The following SMCHD1 variants were observed in gnomAD, a reference collection of about 807,000 sequenced individuals.
SMCHD1 encodes structural maintenance of chromosomes flexible hinge domain-containing protein 1.
SMCHD1 carries 78 observed loss-of-function variants against 254.7 expected under a neutral mutation model. That is an observed-to-expected ratio of 0.31 (90% CI 0.26 to 0.37). The LOEUF is 0.37. SMCHD1 is among the 10% of genes least tolerant of loss of function. The pLI, the probability that SMCHD1 is intolerant of heterozygous loss-of-function variation, is 1.00. For missense variants in SMCHD1, 1,840 were observed against 2,408.1 expected, an observed-to-expected ratio of 0.76 and a Z score of 4.94; for synonymous variants, 766 against 794.9, an observed-to-expected ratio of 0.96 and a Z score of 0.61.
At chr18:2,751,236 T>G in intron 32 of SMCHD1, 42 bp from the exon 33 acceptor site, 1 of 1,111,536 alleles carries the variant, frequency 9.0e-7, no homozygotes, top group Non-Finnish European at 1.3e-6. Flanking sequence ...TATCCATTAA[T>G]TGAACTAGAA....
At chr18:2,703,280 GTACTTGA>G (rs2074444295) in intron 12 of SMCHD1, among the ~76,000 whole-genome samples, 1 of 152,018 alleles carries the variant, frequency 6.6e-6, no homozygotes, top group African/African-American at 2.4e-5. Flanking sequence ...CGTTTATAAA[GTACTTGA>G]TACACAATGA....
chr18:2,769,926 T>G, intron 38 of SMCHD1, 63 bp from the exon 39 acceptor site: 1 of 1,533,282 alleles, frequency 6.5e-7, no homozygotes, highest in South Asian at 1.2e-5. Flanking sequence ...CTAACCACTT[T>G]ATGACATATT....
At chr18:2,679,480 C>CCAAAAAAA (rs752743934) in intron 5 of SMCHD1, among the ~76,000 whole-genome samples, 1 of 58,676 alleles carries the variant, frequency 1.7e-5, no homozygotes, top group Non-Finnish European at 3.9e-5. Context: ...ACTCCATCTC[C>CCAAAAAAA]AAAAAAAAAA....
chr18:2,734,651 C>CTTTT (rs33995854), intron 25 of SMCHD1, among the ~76,000 whole-genome samples: 7 of 145,978 alleles, frequency 4.8e-5, no homozygotes, highest in East Asian at 2.0e-4. Context: ...GCTTATTTTC[C>CTTTT]TTTTTTTTTT....
At chr18:2,714,801 A>G (rs572665076) in intron 17 of SMCHD1, among the ~76,000 whole-genome samples, 1 of 152,188 alleles carries the variant, frequency 6.6e-6, no homozygotes, top group Admixed American at 6.5e-5. Context: ...GCCTCCATTT[A>G]TGAAGCTTGT....
At chr18:2,656,360 C>G in intron 1 of SMCHD1, 99 bp downstream of exon 1, 1 of 1,109,466 alleles carries the variant, frequency 9.0e-7, no homozygotes, top group Non-Finnish European at 1.2e-6. Context: ...ACCTGTCACC[C>G]GGTCCCGGTC....
At chr18:2,710,435 G>A (rs1425421324) in intron 17 of SMCHD1, among the ~76,000 whole-genome samples, 1 of 152,152 alleles carries the variant, frequency 6.6e-6, no homozygotes, top group Non-Finnish European at 1.5e-5. Flanking sequence ...ACACCATTGC[G>A]ATCCTGGTAG....
At chr18:2,737,840 G>A (rs2143525998) in intron 25 of SMCHD1, among the ~76,000 whole-genome samples, 1 of 152,272 alleles carries the variant, frequency 6.6e-6, no homozygotes, top group Admixed American at 6.5e-5. Flanking sequence ...TAAGTACAGA[G>A]TAGAGCAAAC....
chr18:2,751,133 AT>A, intron 32 of SMCHD1, 144 bp from the exon 33 acceptor site: 2 of 552,276 alleles, frequency 3.6e-6, no homozygotes, highest in Non-Finnish European at 6.2e-6. Context: ...GAATTTATAC[AT>A]TTCTTCATCA....
intron 8 of SMCHD1, among the ~76,000 whole-genome samples, 156 bp from the exon 9 acceptor site, chr18:2,696,876 C>T (rs781455890): frequency 6.6e-6 from 1 of 152,094 alleles, no homozygotes; most frequent in Non-Finnish European, 1.5e-5. Context: ...ATACCTGCAT[C>T]TCAATTGTTT....
At position 2,785,670 on chromosome 18, in the gene SMCHD1, A is replaced by AAAAAAAAAAG. The variant is rs57180698; in HGVS notation, c.5719+1050_5719+1051insAAAAAAAAGA. ...CTCAAAAAAAAAAAAAAAAAAAAAAAACAGTTCATTGGTGTTAAGTGCATT... is the reference window on the plus strand; with the variant it reads ...CTCAAAAAAAAAAAAAAAAAAAAAAAAAAAAAAAAGACAGTTCATTGGTGTTAAGTGCATT... On this transcript the variant is annotated intron_variant, in intron 45 of 47. Transcript: ENST00000320876. Among the ~76,000 whole-genome samples the AAAAAAAAAAG allele has an allele frequency of 2.4e-3, 233 of 97,954 alleles. 47 individuals carry two copies. Among genetic ancestry groups the AAAAAAAAAAG allele is most frequent in the Middle Eastern group, 0.023 (2 of 86 alleles). 64.3% of individuals were successfully genotyped at this position (97,954 alleles called of 152,430 possible).
intron 13 of SMCHD1, 89 bp downstream of exon 13, chr18:2,703,975 A>G (rs1382659914): frequency 4.8e-6 from 5 of 1,049,824 alleles, no homozygotes; most frequent in Non-Finnish European, 6.4e-6. Context: ...AAAATAAGCT[A>G]TTTTTAAAAA....
rs1372091599 is a variant in SMCHD1 at position 2,655,758 on chromosome 18, C to T, written c.-318C>T. 2.2e-5 allele frequency: 5 copies of T among 224,522 alleles called. No homozygotes were observed. The highest frequency in any genetic ancestry group is 8.8e-5 in the East Asian group (1 of 11,386). 13.9% of individuals were successfully genotyped at this position (224,522 alleles called of 1,614,324 possible). On this transcript the variant is annotated 5_prime_UTR_variant, in exon 1 of 48. Coordinates refer to ENST00000320876, the MANE Select transcript of SMCHD1 (RefSeq NM_015295.3). Reference sequence around the variant, plus strand: ...CGGCGGCGGCGCTGGTCGCGGGTCGCACCGTGAGGCTCGCGTGGGCGGCGA... The same window carrying T: ...CGGCGGCGGCGCTGGTCGCGGGTCGTACCGTGAGGCTCGCGTGGGCGGCGA...
chr18:2,700,198 T>G (rs1295412871), intron 10 of SMCHD1, among the ~76,000 whole-genome samples: 1 of 152,240 alleles, frequency 6.6e-6, no homozygotes, highest in African/African-American at 2.4e-5. Context: ...TGAAACTGTT[T>G]TAGATACGGG....
intron 12 of SMCHD1, chr18:2,701,154 A>ATTTT: frequency 3.5e-6 from 1 of 281,810 alleles, no homozygotes; most frequent in Non-Finnish European, 6.4e-6. Flanking sequence ...TATCTTCATT[A>ATTTT]GTTTTTTTTG....
intron 5 of SMCHD1, among the ~76,000 whole-genome samples, chr18:2,680,106 T>C (rs2073890861): frequency 6.8e-6 from 1 of 146,814 alleles, no homozygotes; most frequent in South Asian, 2.1e-4. Context: ...TCTTATACTT[T>C]CTTTTAGTTC....
At chr18:2,669,082 ATACC>A (rs1378810648) in intron 3 of SMCHD1, among the ~76,000 whole-genome samples, 10 of 151,982 alleles carry the variant, frequency 6.6e-5, no homozygotes, top group Admixed American at 6.6e-4. Context: ...GCAGTAGCTC[ATACC>A]TGTAATCCCA....
intron 5 of SMCHD1, among the ~76,000 whole-genome samples, chr18:2,681,412 C>CAAAAA (rs11448086): frequency 1.1e-4 from 11 of 104,008 alleles, no homozygotes; most frequent in African/African-American, 2.5e-4. Context: ...GACCCCATCT[C>CAAAAA]AAAAAAAAAA....
intron 5 of SMCHD1, among the ~76,000 whole-genome samples, chr18:2,677,743 T>C (rs1396710196): frequency 1.3e-5 from 2 of 152,134 alleles, no homozygotes; most frequent in Non-Finnish European, 2.9e-5. Flanking sequence ...CCTCCCACTT[T>C]AGCCTTCCAA....
Sources: allele counts gnomAD v4.1 joint callset (sites outside exome capture counted in the v4.1 genomes callset), GRCh38; gene constraint gnomAD v4.1.1; transcripts MANE v1.5; gene names NCBI Gene and HGNC (gene_info 2026-07-23, HGNC 2026-07-21).